ZNF578: variants seen among roughly 807,000 people sequenced by gnomAD.
The protein encoded by ZNF578 is Putative chemokine-related protein B42.
In ZNF578, 8 loss-of-function variants were observed where a neutral mutation model predicts 8.3. That is an observed-to-expected ratio of 0.96 (90% CI 0.56 to 1.74). The LOEUF is 1.74. ZNF578 is among the 40% of genes most tolerant of loss of function. The pLI is 0.00. For missense variants in ZNF578, 726 were observed against 707.5 expected, an observed-to-expected ratio of 1.03 and a Z score of -0.30; for synonymous variants, 206 against 232.2, an observed-to-expected ratio of 0.89 and a Z score of 1.03.
At chr19:52,474,303 C>G (rs1360104800) in intron 2 of ZNF578, 2 of 294,026 alleles carry the variant, frequency 6.8e-6, no homozygotes. Flanking sequence ...AAAACTTTGC[C>G]ACATTCATTA....
intron 3 of ZNF578, 36 bp from the exon 4 acceptor site, chr19:52,501,791 A>T: frequency 1.2e-6 from 2 of 1,605,504 alleles, no homozygotes; most frequent in Non-Finnish European, 8.5e-7. Context: ...AGTGAGTCAT[A>T]TCTAACCTGA....
intron 2 of ZNF578, among the ~76,000 whole-genome samples, chr19:52,459,537 G>T (rs1454323031): frequency 3.3e-5 from 5 of 150,038 alleles, no homozygotes; most frequent in Admixed American, 3.3e-4. Context: ...CTTGGCTATT[G>T]TATATAATGC....
intron 5 of ZNF578, among the ~76,000 whole-genome samples, chr19:52,505,904 G>GT (rs111588563): frequency 0.046 from 6,752 of 145,440 alleles, 474 homozygotes; most frequent in African/African-American, 0.15. Flanking sequence ...TTTCTATGTT[G>GT]TTTTTTTTTT....
chr19:52,478,562 C>G (rs949586556), intron 2 of ZNF578, among the ~76,000 whole-genome samples: 1 of 152,072 alleles, frequency 6.6e-6, no homozygotes, highest in Non-Finnish European at 1.5e-5. Flanking sequence ...ACAACAGATT[C>G]TTTCAGATTT....
At chr19:52,500,277 TG>T (rs1156471267) in intron 3 of ZNF578, among the ~76,000 whole-genome samples, 1 of 152,168 alleles carries the variant, frequency 6.6e-6, no homozygotes, top group African/African-American at 2.4e-5. Context: ...AATCAATATA[TG>T]TAAGAAGTAC....
chr19:52,504,972 C>T (rs1391014754), intron 5 of ZNF578, among the ~76,000 whole-genome samples, 191 bp downstream of exon 5: 3 of 152,212 alleles, frequency 2.0e-5, no homozygotes, highest in African/African-American at 4.8e-5. Flanking sequence ...ATCATAACCT[C>T]CACCTTCCGG....
At chr19:52,480,858 C>T (rs938345494) in intron 2 of ZNF578, among the ~76,000 whole-genome samples, 55 of 150,326 alleles carry the variant, frequency 3.7e-4, no homozygotes, top group Middle Eastern at 3.5e-3. Flanking sequence ...ATCACGCCAC[C>T]GCACCCCAGT....
chr19:52,475,031 A>G, intron 2 of ZNF578: 1 of 194,960 alleles, frequency 5.1e-6, no homozygotes, highest in South Asian at 9.6e-5. Context: ...AATTGCGATT[A>G]AAGACCTTGC....
chr19:52,479,417 C>A (rs1412419999), intron 2 of ZNF578, among the ~76,000 whole-genome samples: 2 of 151,828 alleles, frequency 1.3e-5, no homozygotes, highest in Non-Finnish European at 2.9e-5. Context: ...CGCCCGAAGT[C>A]CCACCTACTT....
chr19:52,474,392 T>G, intron 2 of ZNF578: 1 of 294,956 alleles, frequency 3.4e-6, no homozygotes, highest in Non-Finnish European at 7.0e-6. Flanking sequence ...CTTGTAACAT[T>G]CATTACATTT....
intron 2 of ZNF578, among the ~76,000 whole-genome samples, chr19:52,460,426 G>A (rs188658463): frequency 2.5e-4 from 38 of 152,062 alleles, no homozygotes; most frequent in African/African-American, 8.4e-4. Flanking sequence ...CTTATCATGT[G>A]CTTGTTGGCC....
intron 5 of ZNF578, among the ~76,000 whole-genome samples, chr19:52,509,416 T>C (rs2059436653): frequency 6.6e-6 from 1 of 152,216 alleles, no homozygotes; most frequent in South Asian, 2.1e-4. Flanking sequence ...TACAATATTT[T>C]ATTAATTAAT....
At chr19:52,496,383 G>A (rs1254902400) in intron 3 of ZNF578, among the ~76,000 whole-genome samples, 5 of 142,794 alleles carry the variant, frequency 3.5e-5, no homozygotes, top group African/African-American at 1.3e-4. Flanking sequence ...AGGCTGGAGT[G>A]CAGTGGCGCA....
rs372650400 is a variant in ZNF578 at position 52,512,137 on chromosome 19, C to A, written c.1756C>A (p.Pro586Thr). 4.3e-6 allele frequency: 7 copies of A among 1,613,612 alleles called. No homozygotes were observed. The highest frequency in any genetic ancestry group is 2.7e-5 in the African/African-American group (2 of 74,848). The change falls in exon 6 of 6, where the codon CCT becomes ACT. Residue 586 changes from proline (P) to threonine (T), a missense_variant. Transcript: ENST00000421239. ...HNHLIDSSIK[P>T]CMSS is the part of the protein sequence containing the mutation. Reference sequence around the variant, plus strand: ...TCACTTGATTGATTCATCAATCAAGCCTTGCATGTCATCATAGACTTCATA... The same window carrying A: ...TCACTTGATTGATTCATCAATCAAGACTTGCATGTCATCATAGACTTCATA...
At chr19:52,498,419 C>A (rs2059394980) in intron 3 of ZNF578, among the ~76,000 whole-genome samples, 1 of 151,206 alleles carries the variant, frequency 6.6e-6, no homozygotes, top group Admixed American at 6.6e-5. Flanking sequence ...GCAAGCTCTG[C>A]CTCCTTGGTT....
chr19:52,471,187 T>C (rs542983534), intron 2 of ZNF578, among the ~76,000 whole-genome samples: 5 of 152,266 alleles, frequency 3.3e-5, no homozygotes, highest in Middle Eastern at 3.4e-3. Flanking sequence ...TAAACCTCTT[T>C]TCTTTATAAA....
intron 3 of ZNF578, among the ~76,000 whole-genome samples, chr19:52,497,087 G>A (rs1451213207): frequency 6.6e-6 from 1 of 151,226 alleles, no homozygotes; most frequent in Non-Finnish European, 1.5e-5. Flanking sequence ...CACGCCCCAC[G>A]AGGCCTGGCT....
chr19:52,487,597 GA>G (rs1233715235), intron 2 of ZNF578, among the ~76,000 whole-genome samples: 1 of 152,088 alleles, frequency 6.6e-6, no homozygotes, highest in Non-Finnish European at 1.5e-5. Context: ...AGTGAAGTGG[GA>G]AAAAAGTCAC....
intron 4 of ZNF578, among the ~76,000 whole-genome samples, chr19:52,502,399 G>T (rs2059411047): frequency 6.6e-6 from 1 of 152,186 alleles, no homozygotes; most frequent in Non-Finnish European, 1.5e-5. Flanking sequence ...CACACTAGTA[G>T]ATCAAGATGT....
Sources: allele counts gnomAD v4.1 joint callset (sites outside exome capture counted in the v4.1 genomes callset), GRCh38; gene constraint gnomAD v4.1.1; transcripts MANE v1.5; gene names NCBI Gene and HGNC (gene_info 2026-07-23, HGNC 2026-07-21).